The following UGT2B4 variants were observed in gnomAD, a reference collection of about 807,000 sequenced individuals.
UGT2B4 encodes the protein UDP glucuronosyltransferase family 2 member B4, also known as UDP-glucuronosyltransferase 2B4.
A neutral mutation model predicts 49.8 loss-of-function variants in UGT2B4; 49 were observed. That is an observed-to-expected ratio of 0.98 (90% CI 0.78 to 1.25). The LOEUF (loss-of-function observed/expected upper bound fraction) is 1.25. Among genes scored for constraint, UGT2B4 ranks in the 50% most tolerant of loss-of-function variants. The pLI, the probability that UGT2B4 is intolerant of heterozygous loss-of-function variation, is 0.00. For missense variants in UGT2B4, 729 were observed against 627.7 expected, an observed-to-expected ratio of 1.16 and a Z score of -1.73; for synonymous variants, 246 against 217.7, an observed-to-expected ratio of 1.13 and a Z score of -1.14.
intron 2 of UGT2B4, 135 bp downstream of exon 2, chr4:69,493,558 G>A (rs771269538): frequency 1.6e-4 from 166 of 1,022,604 alleles, no homozygotes; most frequent in Non-Finnish European, 2.0e-4. Flanking sequence ...CAACATGTAC[G>A]TCAGTTTCTA....
chr4:69,480,905 T>C lies in UGT2B4; in HGVS notation c.1316A>G (p.Lys439Arg), dbSNP rs1241859445. 6.2e-7 allele frequency: 1 copy of C among 1,613,286 alleles called. No homozygotes were observed. The highest frequency in any genetic ancestry group is 1.7e-5 in the Admixed American group (1 of 59,950). Residue 439 changes from lysine to arginine, a missense_variant, in exon 6 of 6, where the codon AAA (lysine) becomes AGA (arginine). Physicochemically the swap from Lys to Arg is conservative, Grantham distance 26 (BLOSUM62 2). Coordinates refer to ENST00000305107, the MANE Select transcript of UGT2B4 (RefSeq NM_021139.3). ...TCTTGATAATTTCATAGCATTCTCT[T>C]TATATCTAAACGATAAGCAGAAAAG... ...LKTVINDPLY[K>R]ENAMKLSRIH...
At chr4:69,521,220 G>T (rs1320819331) in intron 1 of UGT2B4, among the ~76,000 whole-genome samples, 1 of 152,202 alleles carries the variant, frequency 6.6e-6, no homozygotes, top group Admixed American at 6.5e-5. Flanking sequence ...CCACCTAATG[G>T]TGGGACTGAA....
chr4:69,501,384 C>G (rs6600772), intron 1 of UGT2B4, among the ~76,000 whole-genome samples: 31,096 of 151,974 alleles, frequency 0.2, 3,347 homozygotes, highest in Middle Eastern at 0.26. Context: ...TCTAGCCACC[C>G]CAATCAGTGT....
chr4:69,490,367 T>G (rs575162217), intron 2 of UGT2B4, among the ~76,000 whole-genome samples: 2 of 152,184 alleles, frequency 1.3e-5, no homozygotes, highest in Non-Finnish European at 2.9e-5. Context: ...GATGTGCTAT[T>G]TATAACTGCA....
rs1406579969 is a variant in UGT2B4, at chr4:69,493,781, TA to T, written c.781del (p.Tyr261ThrfsTer63). The T allele has an allele frequency of 3.1e-6, 5 of 1,610,586 alleles. No individual in the cohort carries two copies. The highest frequency in any genetic ancestry group is 4.2e-6 in the Non-Finnish European group (5 of 1,178,596). On this transcript the variant is annotated frameshift_variant, in exon 2 of 6. Transcript: ENST00000305107. LOFTEE classifies it high-confidence loss of function. Reference sequence around the variant, plus strand: ...TGGGTGAGGAAATTGAAAATCCCAGTAGTTTCGAATAAGCCATATGTCAGCT... The same window carrying T: ...TGGGTGAGGAAATTGAAAATCCCAGTGTTTCGAATAAGCCATATGTCAGCT... ...AKADIWLIRN[Y>X]WDFQFPHPLL...
At position 69,485,085 on chromosome 4, in the gene UGT2B4, A is replaced by G. The variant is rs1314167133; in HGVS notation, c.1310+123T>C. 4 of 1,212,642 alleles carry G rather than the reference A, an allele frequency of 3.3e-6. No individual in the cohort carries two copies. In the East Asian group the frequency reaches 1.0e-4, roughly 31 times the overall value. The allele number at this position is 1,212,642 out of a possible 1,614,324, so 75.1% of individuals were successfully genotyped here. A position where few individuals can be genotyped will look rare whatever the true frequency, so the allele number is the denominator to read the frequency against. ...ACTCAAAAATAAAAGCAGATTTCAG[A>G]TTGTTTAAATCACTTAAATTCTTTC... is the stretch of plus-strand genomic sequence containing the variant. On this transcript the variant is annotated intron_variant, in intron 5 of 5. Transcript: ENST00000305107.
At chr4:69,500,626 A>AAAGCAAGAAAGC (rs1728288339), upstream of UGT2B4, among the ~76,000 whole-genome samples, 1 of 86,402 alleles carries the variant, frequency 1.2e-5, no homozygotes, top group African/African-American at 3.3e-5. Context: ...AGAAAGAAAG[A>AAAGCAAGAAAGC]AAGAAAGAAA....
intron 1 of UGT2B4, among the ~76,000 whole-genome samples, chr4:69,520,712 G>A (rs928829207): frequency 6.6e-6 from 1 of 152,316 alleles, no homozygotes; most frequent in African/African-American, 2.4e-5. Flanking sequence ...GAGCACAGAC[G>A]AACACAGGAA....
chr4:69,500,050 GA>G (rs1728260422), upstream of UGT2B4, among the ~76,000 whole-genome samples: 1 of 152,166 alleles, frequency 6.6e-6, no homozygotes, highest in African/African-American at 2.4e-5. Flanking sequence ...ATACACTGTG[GA>G]ATACTATGAA....
In UGT2B4 at chr4:69,485,370, G is replaced by T. The variant is rs746429485; in HGVS notation, c.1148C>A (p.Ala383Glu). The change falls in exon 5 of 6, where the codon GCA becomes GAA. Residue 383 changes from alanine to glutamate, a missense_variant. Coordinates refer to ENST00000305107, the MANE Select transcript of UGT2B4 (RefSeq NM_021139.3). The stretch of plus-strand genomic sequence containing the variant: ...CACCATAGGGATTCCATGGTAGATT[G>T]CCTCATAGATGCCATTGGCTCCACC... Reference protein sequence around the residue: ...THGGANGIYEAIYHGIPMVGV... With the variant: ...THGGANGIYEEIYHGIPMVGV... The T allele has an allele frequency of 1.9e-6, 3 of 1,613,918 alleles. No individual in the cohort carries two copies. The highest frequency in any genetic ancestry group is 2.5e-6 in the Non-Finnish European group (3 of 1,179,858).
chr4:69,490,229 A>G (rs1727940749), intron 2 of UGT2B4, among the ~76,000 whole-genome samples: 1 of 152,206 alleles, frequency 6.6e-6, no homozygotes, highest in South Asian at 2.1e-4. Context: ...ATAAATTTCT[A>G]TAAATAATTC....
chr4:69,509,938 T>C (rs1402375887), intron 1 of UGT2B4, among the ~76,000 whole-genome samples: 5 of 152,192 alleles, frequency 3.3e-5, no homozygotes, highest in African/African-American at 1.2e-4. Flanking sequence ...CAGACCAATG[T>C]TATGAAGCTT....
intron 5 of UGT2B4, among the ~76,000 whole-genome samples, chr4:69,483,471 A>T (rs957461802): frequency 6.6e-6 from 1 of 152,014 alleles, no homozygotes; most frequent in African/African-American, 2.4e-5. Flanking sequence ...ATTTGGTCTT[A>T]TTTTTCAGGT....
chr4:69,507,567 A>G (rs544740035), intron 1 of UGT2B4, among the ~76,000 whole-genome samples: 1 of 152,332 alleles, frequency 6.6e-6, no homozygotes, highest in African/African-American at 2.4e-5. Flanking sequence ...GAAAGAAATT[A>G]GAGATGACAC....
chr4:69,500,590 C>CAAGAAAGAAAGCAAGA (rs1399741309), upstream of UGT2B4, among the ~76,000 whole-genome samples: 1 of 60,998 alleles, frequency 1.6e-5, no homozygotes, highest in Non-Finnish European at 3.5e-5. Context: ...AGCAAGAAAG[C>CAAGAAAGAAAGCAAGA]AAGCAAGAAA....
intron 5 of UGT2B4, among the ~76,000 whole-genome samples, chr4:69,483,809 A>G (rs893193095): frequency 3.9e-5 from 6 of 152,122 alleles, no homozygotes; most frequent in African/African-American, 1.4e-4. Context: ...AATTTTACTC[A>G]CTAAAAATAA....
intron 1 of UGT2B4, among the ~76,000 whole-genome samples, chr4:69,520,193 C>T (rs1728815839): frequency 6.6e-6 from 1 of 152,110 alleles, no homozygotes; most frequent in Middle Eastern, 3.2e-3. Context: ...ATATACTTGA[C>T]ACAATTACAG....
intron 1 of UGT2B4, among the ~76,000 whole-genome samples, chr4:69,523,249 T>C (rs183283473): frequency 6.6e-6 from 1 of 151,914 alleles, no homozygotes; most frequent in African/African-American, 2.4e-5. Flanking sequence ...ACGTTTTCAA[T>C]TTACTCAGCC....
intron 1 of UGT2B4, among the ~76,000 whole-genome samples, chr4:69,515,374 C>T (rs1728704792): frequency 6.6e-6 from 1 of 152,094 alleles, no homozygotes; most frequent in South Asian, 2.1e-4. Flanking sequence ...TAAATCCACA[C>T]CAACATATGG....
Sources: gnomAD v4.1 joint callset for allele counts (sites outside exome capture counted in the v4.1 genomes callset) on GRCh38, gnomAD v4.1.1 for gene constraint, MANE v1.5 for transcripts, NCBI Gene and HGNC (gene_info 2026-07-23, HGNC 2026-07-21) for gene names.